Variants in INTS7 observed in about 807,000 individuals in gnomAD.
INTS7 encodes the protein integrator complex subunit 7.
Under a neutral mutation model 109.2 loss-of-function variants are expected in INTS7, and 46 were observed. The ratio of observed to expected loss-of-function variants is 0.42; its 90% confidence interval spans 0.33 to 0.54. The LOEUF (loss-of-function observed/expected upper bound fraction) is 0.54. INTS7 is among the 20% of genes least tolerant of loss of function. INTS7 has a pLI of 0.07. For synonymous variants in INTS7, 412 were observed against 402.9 expected (o/e 1.02, Z -0.27); for missense variants, 929 against 1,132.4 (o/e 0.82, Z 2.58).
At position 211,974,276 on chromosome 1, in the gene INTS7, A is replaced by AAAATAT. The variant is rs1553249481; in HGVS notation, c.1815+889_1815+890insATATTT. Among the ~76,000 whole-genome samples, 3 of 92,408 alleles carry AAAATAT rather than the reference A, an allele frequency of 3.2e-5. No individual in the cohort carries two copies. In the East Asian group the frequency reaches 8.5e-4, roughly 26 times the overall value. The allele number at this position is 92,408 out of a possible 152,430, so 60.6% of individuals were successfully genotyped here. On this transcript the variant is annotated intron_variant, in intron 13 of 19. Transcript: ENST00000366994. ...CAACAATCTCTTCCCAGAAAAAAAA[A>AAAATAT]ATATATATATATATATATATATATA...
At chr1:212,028,941 C>T (rs1667040689) in intron 1 of INTS7, among the ~76,000 whole-genome samples, 1 of 152,194 alleles carries the variant, frequency 6.6e-6, no homozygotes, top group African/African-American at 2.4e-5. Context: ...GCTCCAAAGG[C>T]TATAGTGCTA....
chr1:211,955,251 G>C (rs1479221299), intron 16 of INTS7, among the ~76,000 whole-genome samples: 1 of 152,156 alleles, frequency 6.6e-6, no homozygotes, highest in Non-Finnish European at 1.5e-5. Flanking sequence ...TTTGTATCCT[G>C]AGACTTTGCT....
chr1:211,976,905 T>C (rs1440279263), intron 11 of INTS7, among the ~76,000 whole-genome samples, 186 bp from the exon 12 acceptor site: 1 of 152,178 alleles, frequency 6.6e-6, no homozygotes, highest in Non-Finnish European at 1.5e-5. Context: ...CAGGGCACTC[T>C]TTATAACAGC....
intron 7 of INTS7, among the ~76,000 whole-genome samples, chr1:211,993,792 A>G (rs944068014): frequency 3.9e-5 from 6 of 152,108 alleles, no homozygotes; most frequent in Non-Finnish European, 8.8e-5. Flanking sequence ...AATCTAAAGA[A>G]AAATATAAAC....
chr1:211,995,875 C>T (rs1336061842), intron 7 of INTS7, among the ~76,000 whole-genome samples: 1 of 152,286 alleles, frequency 6.6e-6, no homozygotes, highest in Non-Finnish European at 1.5e-5. Context: ...TCACCAGACA[C>T]TGAATCTGCT....
intron 7 of INTS7, among the ~76,000 whole-genome samples, chr1:211,991,340 A>G (rs960407860): frequency 1.3e-5 from 2 of 152,228 alleles, no homozygotes; most frequent in Non-Finnish European, 2.9e-5. Context: ...GATCTGAGCC[A>G]ATTACTGAAA....
Position 211,968,431 on chromosome 1 carries a change from T to C in INTS7, c.2010+82A>G, listed in dbSNP as rs530810716. Reference sequence around the variant, plus strand: ...ATAATGTCTGAGTCAAACCACTGATTTTATATTTTACAACTTTTCATCTTA... The same window carrying C: ...ATAATGTCTGAGTCAAACCACTGATCTTATATTTTACAACTTTTCATCTTA... On this transcript the variant is annotated intron_variant, in intron 14 of 19. Transcript: ENST00000366994. 7 of 1,216,682 alleles carry C rather than the reference T, an allele frequency of 5.8e-6. No individual in the cohort carries two copies. The South Asian group carries it at 1.1e-4, about 18-fold the overall frequency. The allele number at this position is 1,216,682 out of a possible 1,614,324, so 75.4% of individuals were successfully genotyped here. A position where few individuals can be genotyped will look rare whatever the true frequency, so the allele number is the denominator to read the frequency against.
At chr1:211,963,522 G>C (rs1663735984) in intron 16 of INTS7, among the ~76,000 whole-genome samples, 1 of 152,014 alleles carries the variant, frequency 6.6e-6, no homozygotes, top group Admixed American at 6.6e-5. Context: ...ACCAAAACCT[G>C]GTGGAGACAC....
intron 7 of INTS7, among the ~76,000 whole-genome samples, chr1:211,995,008 C>T (rs936210515): frequency 2.6e-5 from 4 of 151,602 alleles, no homozygotes; most frequent in African/African-American, 9.7e-5. Flanking sequence ...AGATAACTGG[C>T]AATTAGATTC....
chr1:212,021,680 TAAA>T (rs1169512759), intron 1 of INTS7, among the ~76,000 whole-genome samples: 2 of 127,036 alleles, frequency 1.6e-5, no homozygotes, highest in African/African-American at 2.9e-5. Flanking sequence ...CCTCATCTCT[TAAA>T]AAAAAAAAAA....
At chr1:211,977,881 C>A (rs1664488448) in intron 11 of INTS7, among the ~76,000 whole-genome samples, 1 of 151,998 alleles carries the variant, frequency 6.6e-6, no homozygotes, top group African/African-American at 2.4e-5. Context: ...AGATTTTTAA[C>A]TTCTATTTTC....
intron 4 of INTS7, 74 bp from the exon 5 acceptor site, chr1:212,011,495 AAC>A: frequency 1.1e-6 from 1 of 940,798 alleles, no homozygotes; most frequent in South Asian, 1.4e-5. Context: ...AAAGAAATAA[AAC>A]ACAATTAGCG....
chr1:211,944,155 A>C (rs971303028), intron 19 of INTS7, among the ~76,000 whole-genome samples: 1 of 152,194 alleles, frequency 6.6e-6, no homozygotes, highest in Non-Finnish European at 1.5e-5. Context: ...AAATTTACTT[A>C]AAATGGAGAA....
intron 7 of INTS7, among the ~76,000 whole-genome samples, chr1:211,996,918 G>A (rs1665419256): frequency 6.6e-6 from 1 of 152,056 alleles, no homozygotes; most frequent in South Asian, 2.1e-4. Flanking sequence ...CAGCTCCTTG[G>A]TAGGTTGAAG....
chr1:212,004,395 C>T (rs1157388006), intron 7 of INTS7, among the ~76,000 whole-genome samples: 1 of 151,972 alleles, frequency 6.6e-6, no homozygotes, highest in African/African-American at 2.4e-5. Flanking sequence ...ACATGTGAAA[C>T]ATAAAGATAT....
intron 4 of INTS7, among the ~76,000 whole-genome samples, chr1:212,014,753 C>T (rs962196927): frequency 1.3e-5 from 2 of 152,098 alleles, no homozygotes; most frequent in Admixed American, 6.5e-5. Context: ...CCGTGTTGGC[C>T]GGGCTGGTCT....
chr1:212,024,222 G>GTT (rs969773122), intron 1 of INTS7, among the ~76,000 whole-genome samples: 4 of 149,638 alleles, frequency 2.7e-5, no homozygotes, highest in Non-Finnish European at 5.9e-5. Context: ...TTTTAGAAGA[G>GTT]TTTTTTTTTT....
At chr1:211,983,012 C>T (rs953341430) in intron 8 of INTS7, among the ~76,000 whole-genome samples, 2 of 152,022 alleles carry the variant, frequency 1.3e-5, no homozygotes, top group African/African-American at 4.8e-5. Flanking sequence ...CCAACAGTTT[C>T]GTAATGACTA....
At chr1:211,963,220 C>T (rs1011998322) in intron 16 of INTS7, among the ~76,000 whole-genome samples, 5 of 151,936 alleles carry the variant, frequency 3.3e-5, no homozygotes, top group African/African-American at 1.2e-4. Flanking sequence ...CCTCTATGGA[C>T]ACAAACTAGA....
Sources: allele counts gnomAD v4.1 joint callset (sites outside exome capture counted in the v4.1 genomes callset), GRCh38; gene constraint gnomAD v4.1.1; transcripts MANE v1.5; gene names NCBI Gene and HGNC (gene_info 2026-07-23, HGNC 2026-07-21).